The following NLGN4X variants were observed in gnomAD, a reference collection of about 807,000 sequenced individuals.
NLGN4X encodes neuroligin-4, X-linked.
NLGN4X carries 3 observed loss-of-function variants against 40.3 expected under a neutral mutation model. The observed-to-expected ratio is 0.07, with a 90% confidence interval of 0.03 to 0.19. NLGN4X has a LOEUF of 0.19. Among genes scored for constraint, NLGN4X ranks in the 10% least tolerant of loss-of-function variants. The pLI is 1.00. For synonymous variants in NLGN4X, 270 were observed against 306.8 expected (o/e 0.88, Z 1.25); for missense variants, 382 against 708.3 (o/e 0.54, Z 5.23).
chrX:6,058,104 A>T (rs1209287864), intron 2 of NLGN4X, among the ~76,000 whole-genome samples: 1 of 111,402 alleles, frequency 9.0e-6, no homozygotes, highest in Non-Finnish European at 1.9e-5. Flanking sequence ...TATCTTAGTC[A>T]TATGAAGAGA....
intron 3 of NLGN4X, among the ~76,000 whole-genome samples, chrX:5,936,454 G>A (rs1254054022): frequency 8.9e-6 from 1 of 111,899 alleles, no homozygotes; most frequent in Non-Finnish European, 1.9e-5. Context: ...TATTTATAAA[G>A]GCATTTTATT....
At chrX:6,008,019 A>AGGACCTG (rs1230113820) in intron 3 of NLGN4X, among the ~76,000 whole-genome samples, 1 of 111,930 alleles carries the variant, frequency 8.9e-6, no homozygotes, top group East Asian at 2.8e-4. Flanking sequence ...TGCTCCTTTC[A>AGGACCTG]GGACCTTTCT....
rs930392556 is a variant in NLGN4X, at chrX:6,213,153, C to T, written c.-306+15388G>A. ...CTGTCAGCCAGGTGATCAAAGCCAA[C>T]ACCAGCAGCAAAAGTCTTCTGGACA... On this transcript the variant is annotated intron_variant, in intron 1 of 5. Transcript: ENST00000381095. Among the ~76,000 whole-genome samples the T allele has an allele frequency of 8.2e-5, 9 of 109,344 alleles. 1 individual carries two copies. The highest frequency in any genetic ancestry group is 3.0e-4 in the African/African-American group (9 of 29,944). 95.0% of individuals were successfully genotyped at this position (109,344 alleles called of 115,157 possible).
At chrX:6,184,014 T>C (rs1176438562) in intron 1 of NLGN4X, among the ~76,000 whole-genome samples, 1 of 112,450 alleles carries the variant, frequency 8.9e-6, no homozygotes. Context: ...AGCAAGTATC[T>C]GGCTTAAACA....
intron 2 of NLGN4X, among the ~76,000 whole-genome samples, chrX:6,089,926 C>T (rs1399255498): frequency 4.5e-5 from 5 of 111,363 alleles, no homozygotes; most frequent in Non-Finnish European, 9.4e-5. Flanking sequence ...CCATCTAGTG[C>T]CTCAATTCCC....
intron 2 of NLGN4X, among the ~76,000 whole-genome samples, chrX:6,127,351 T>C (rs928518966): frequency 8.9e-6 from 1 of 112,830 alleles, no homozygotes; most frequent in East Asian, 2.8e-4. Flanking sequence ...CAGTGGTTCA[T>C]GCCTGTAATC....
intron 1 of NLGN4X, among the ~76,000 whole-genome samples, chrX:6,208,703 C>T (rs1379287139): frequency 8.9e-6 from 1 of 111,829 alleles, no homozygotes; most frequent in African/African-American, 3.2e-5. Flanking sequence ...TGTCTGCAGA[C>T]ATTGTGGATG....
intron 2 of NLGN4X, among the ~76,000 whole-genome samples, chrX:6,121,891 C>T (rs1319163382): frequency 8.9e-6 from 1 of 112,486 alleles, no homozygotes; most frequent in East Asian, 2.8e-4. Context: ...CAATGCTTTT[C>T]TCATCTTCGT....
At chrX:5,896,783 C>T (rs1449619097) in intron 5 of NLGN4X, among the ~76,000 whole-genome samples, 2 of 112,018 alleles carry the variant, frequency 1.8e-5, no homozygotes, top group Non-Finnish European at 3.8e-5. Context: ...TCGCAGTTAA[C>T]GATTATTACC....
At chrX:6,215,851 A>C (rs1297544023) in intron 1 of NLGN4X, among the ~76,000 whole-genome samples, 1 of 107,897 alleles carries the variant, frequency 9.3e-6, no homozygotes, top group African/African-American at 3.4e-5. Context: ...AAATAGCTGA[A>C]AGATGTGGAG....
At chrX:6,061,700 G>C (rs2037776256) in intron 2 of NLGN4X, 1 of 111,862 alleles carries the variant, frequency 8.9e-6, no homozygotes, top group Non-Finnish European at 1.9e-5. Context: ...AAAGGACGAG[G>C]ACACTTTTTC....
chrX:5,971,711 C>T lies in NLGN4X; in HGVS notation c.625+57569G>A, dbSNP rs191073968. On this transcript the variant is annotated intron_variant, in intron 3 of 5. Coordinates refer to ENST00000381095, the MANE Select transcript of NLGN4X (RefSeq NM_181332.3). ...CTGCTCAAATCCTCATTTGGACATG[C>T]ACTGCACAATAACACACATAATGGA... Among the ~76,000 whole-genome samples, 232 of 111,800 alleles carry T rather than the reference C, an allele frequency of 2.1e-3. 2 individuals are homozygous for T. The highest frequency in any genetic ancestry group is 2.0e-3 in the Non-Finnish European group (107 of 53,201).
At chrX:5,925,074 C>T (rs963677512) in intron 3 of NLGN4X, among the ~76,000 whole-genome samples, 5 of 111,752 alleles carry the variant, frequency 4.5e-5, no homozygotes, top group Non-Finnish European at 5.6e-5. Context: ...AGCTGCTTAT[C>T]ACCCAAGTTC....
chrX:6,094,331 G>A (rs1422849185), intron 2 of NLGN4X, among the ~76,000 whole-genome samples: 2 of 110,717 alleles, frequency 1.8e-5, no homozygotes, highest in African/African-American at 6.6e-5. Context: ...GGTATAAAAA[G>A]GAAAGAAGAA....
chrX:6,076,528 T>C (rs771172902), intron 2 of NLGN4X, among the ~76,000 whole-genome samples: 5 of 112,084 alleles, frequency 4.5e-5, no homozygotes, highest in Non-Finnish European at 9.4e-5. Flanking sequence ...ATTTTACATA[T>C]TTTACATGCT....
intron 3 of NLGN4X, among the ~76,000 whole-genome samples, chrX:5,926,316 T>C (rs1340021444): frequency 1.8e-5 from 2 of 110,457 alleles, no homozygotes; most frequent in Non-Finnish European, 3.8e-5. Context: ...TTACCTAGTG[T>C]CCAGCAGTTC....
In NLGN4X at chrX:6,038,852, G is replaced by A. The variant is rs193122584; in HGVS notation, c.473-9420C>T. Among the ~76,000 whole-genome samples the A allele has an allele frequency of 1.2e-4, 13 of 111,857 alleles. No homozygotes were observed. In the East Asian group the frequency reaches 2.5e-3, roughly 22 times the overall value. On this transcript the variant is annotated intron_variant, in intron 2 of 5. Transcript: ENST00000381095. ...TTTGTGATGTGGGAAGAAGCTTTTG[G>A]TGACCAGGAAGGCTTAGAAAGGAGA...
intron 2 of NLGN4X, among the ~76,000 whole-genome samples, chrX:6,096,837 T>C (rs2038788328): frequency 9.0e-6 from 1 of 111,403 alleles, no homozygotes; most frequent in Non-Finnish European, 1.9e-5. Context: ...AACCACGAAA[T>C]GCAGAAAAAT....
chrX:6,076,330 A>C (rs1014076500), intron 2 of NLGN4X, among the ~76,000 whole-genome samples: 1 of 111,896 alleles, frequency 8.9e-6, no homozygotes, highest in African/African-American at 3.2e-5. Flanking sequence ...AAACAGCTCC[A>C]TACACTGGTC....
Sources: gnomAD v4.1 joint callset for allele counts (sites outside exome capture counted in the v4.1 genomes callset) on GRCh38, gnomAD v4.1.1 for gene constraint, MANE v1.5 for transcripts, NCBI Gene and HGNC (gene_info 2026-07-23, HGNC 2026-07-21) for gene names.